GTF2IRD1: variants seen among roughly 807,000 people sequenced by gnomAD.
GTF2IRD1 encodes the protein general transcription factor II-I repeat domain-containing protein 1.
GTF2IRD1 carries 26 observed loss-of-function variants against 113.2 expected under a neutral mutation model. That is an observed-to-expected ratio of 0.23 (90% CI 0.17 to 0.32). GTF2IRD1 has a LOEUF of 0.32. GTF2IRD1 is among the 10% of genes least tolerant of loss of function. The pLI is 1.00. For synonymous variants in GTF2IRD1, 484 were observed against 529.1 expected (o/e 0.91, Z 1.17); for missense variants, 864 against 1,280.8 (o/e 0.67, Z 4.97).
At chr7:74,519,951 G>A (rs1013055507) in intron 6 of GTF2IRD1, among the ~76,000 whole-genome samples, 5 of 151,850 alleles carry the variant, frequency 3.3e-5, no homozygotes, top group Admixed American at 6.6e-5. Flanking sequence ...CTAAGAGGAC[G>A]CCTGCGAGGA....
At chr7:74,568,509 G>A (rs1304915293) in intron 22 of GTF2IRD1, among the ~76,000 whole-genome samples, 2 of 151,992 alleles carry the variant, frequency 1.3e-5, no homozygotes, top group Non-Finnish European at 2.9e-5. Flanking sequence ...TTAGCTGGGC[G>A]TGATGGCGGG....
At chr7:74,492,259 C>T (rs1795400910) in intron 1 of GTF2IRD1, among the ~76,000 whole-genome samples, 1 of 151,384 alleles carries the variant, frequency 6.6e-6, no homozygotes, top group South Asian at 2.1e-4. Context: ...CAAGCTCTGC[C>T]TCCCGGGTTC....
At chr7:74,575,895 G>C (rs1554364409) in intron 22 of GTF2IRD1, among the ~76,000 whole-genome samples, 1 of 152,144 alleles carries the variant, frequency 6.6e-6, no homozygotes, top group Non-Finnish European at 1.5e-5. Context: ...CCTTAAAACA[G>C]GCCGGGTCCA....
intron 22 of GTF2IRD1, among the ~76,000 whole-genome samples, chr7:74,582,863 A>G (rs1447768232): frequency 6.6e-6 from 1 of 152,104 alleles, no homozygotes; most frequent in East Asian, 1.9e-4. Flanking sequence ...AGCCTGGGCA[A>G]CATAGCAAGA....
chr7:74,562,797 C>T (rs1554359536), intron 22 of GTF2IRD1, among the ~76,000 whole-genome samples: 1 of 151,916 alleles, frequency 6.6e-6, no homozygotes, highest in Non-Finnish European at 1.5e-5. Flanking sequence ...AGGCTGGTCT[C>T]GAACTCCTGG....
Position 74,519,524 on chromosome 7 carries a change from C to A in GTF2IRD1, c.721C>A (p.Pro241Thr), listed in dbSNP as rs782352507. ...GCATGGCCAGGCCCCCAAGGTGCCA[C>A]CCCAGGACCTGCCCCCAACCGCCAC... ...GLHGQAPKVP[P>T]QDLPPTATSS... The change falls in exon 6 of 27, where the codon CCC (proline) becomes ACC (threonine). Residue 241 changes from proline to threonine, a missense_variant. Physicochemically the swap from Pro to Thr is conservative, Grantham distance 38 (BLOSUM62 -1). Coordinates refer to ENST00000424337, the MANE Select transcript of GTF2IRD1 (RefSeq NM_005685.4). 3.1e-6 allele frequency: 5 copies of A among 1,611,796 alleles called. No homozygotes were observed. The South Asian group carries it at 4.4e-5, about 14-fold the overall frequency.
At chr7:74,490,295 C>A (rs1457991791) in intron 1 of GTF2IRD1, among the ~76,000 whole-genome samples, 1 of 152,132 alleles carries the variant, frequency 6.6e-6, no homozygotes, top group Non-Finnish European at 1.5e-5. Context: ...TGACCCCAGA[C>A]TGCCTTCTAC....
chr7:74,567,113 A>C (rs1318806715), intron 22 of GTF2IRD1, among the ~76,000 whole-genome samples: 1 of 152,094 alleles, frequency 6.6e-6, no homozygotes, highest in Non-Finnish European at 1.5e-5. Flanking sequence ...GCGGATCACA[A>C]GGTCAGGAGA....
chr7:74,601,063 CAAGCGCAAGAGA>C lies in GTF2IRD1; in HGVS notation c.2655_2666del (p.Lys886_Arg889del). On this transcript the variant is annotated inframe_deletion, in exon 26 of 27. Transcript: ENST00000424337. Reference sequence around the variant, plus strand: ...TTCCAGCCAAAGACAGCAGCATTCCCAAGCGCAAGAGAAAGCGGGTCTCGGAAGGAAATTCCG... The same window carrying C: ...TTCCAGCCAAAGACAGCAGCATTCCCAAGCGGGTCTCGGAAGGAAATTCCG... The C allele has an allele frequency of 1.2e-6, 2 of 1,614,196 alleles. No homozygotes were observed. The highest frequency in any genetic ancestry group is 1.7e-6 in the Non-Finnish European group (2 of 1,180,036).
At chr7:74,508,322 C>A in intron 2 of GTF2IRD1, 119 bp downstream of exon 2, 1 of 1,059,316 alleles carries the variant, frequency 9.4e-7, no homozygotes, top group Non-Finnish European at 1.4e-6. Flanking sequence ...CTCAGTTTAT[C>A]TGACTGCAGC....
intron 8 of GTF2IRD1, 24 bp downstream of exon 8, chr7:74,524,178 G>T (rs370117404): frequency 6.5e-6 from 10 of 1,530,564 alleles, no homozygotes; most frequent in Admixed American, 1.7e-5. Flanking sequence ...GCGGCCCGCC[G>T]TGTGGCCCCA....
intron 22 of GTF2IRD1, among the ~76,000 whole-genome samples, chr7:74,583,851 C>T (rs374795561): frequency 2.6e-5 from 4 of 152,166 alleles, no homozygotes; most frequent in Non-Finnish European, 4.4e-5. Context: ...GTGTCTTACT[C>T]ACCGCTCACA....
At chr7:74,545,625 C>T (rs1364396374) in intron 15 of GTF2IRD1, 119 bp from the exon 16 acceptor site, 4 of 754,840 alleles carry the variant, frequency 5.3e-6, no homozygotes, top group South Asian at 1.4e-5. Context: ...CCGCCCCAGC[C>T]CCAGCCTTCC....
chr7:74,601,803 C>G (rs587632018), intron 26 of GTF2IRD1: 1 of 172,010 alleles, frequency 5.8e-6, no homozygotes, highest in African/African-American at 2.4e-5. Flanking sequence ...ATTAGCCAGG[C>G]ATGGTGGCAC....
At chr7:74,535,002 G>A (rs181474997) in intron 9 of GTF2IRD1, 111 bp from the exon 10 acceptor site, 1 of 857,086 alleles carries the variant, frequency 1.2e-6, no homozygotes, top group Non-Finnish European at 2.0e-6. Flanking sequence ...CTGTAGCTGT[G>A]CATGTGTCAC....
chr7:74,471,983 C>G (rs1220983105), intron 1 of GTF2IRD1, among the ~76,000 whole-genome samples: 1 of 152,136 alleles, frequency 6.6e-6, no homozygotes, highest in African/African-American at 2.4e-5. Flanking sequence ...CAGAATGAGA[C>G]TCTGTCTCAA....
chr7:74,536,021 C>T, intron 10 of GTF2IRD1, 146 bp from the exon 11 acceptor site: 1 of 587,302 alleles, frequency 1.7e-6, no homozygotes. Flanking sequence ...TGGCTGTTGG[C>T]TGGACGTGGC....
rs782055471 is a variant in GTF2IRD1, at chr7:74,535,100, C to A, written c.1275-13C>A. 1 of 1,611,786 alleles carries A rather than the reference C, an allele frequency of 6.2e-7. No individual in the cohort carries two copies. Among genetic ancestry groups the A allele is most frequent in the African/African-American group, 1.3e-5 (1 of 75,004 alleles). ...CTGCACTGTTCTCATGCCTGTCTCT[C>A]TTCTCTCCCCAGGATGTTTGATGAG... On this transcript the variant is annotated splice_polypyrimidine_tract_variant and intron_variant, in intron 9 of 26. Transcript: ENST00000424337.
chr7:74,563,573 G>A (rs1174012864), intron 22 of GTF2IRD1, among the ~76,000 whole-genome samples: 9 of 144,750 alleles, frequency 6.2e-5, no homozygotes, highest in African/African-American at 1.5e-4. Flanking sequence ...GTGAAACTCC[G>A]TCTCAGAAAA....
Sources: allele counts gnomAD v4.1 joint callset (sites outside exome capture counted in the v4.1 genomes callset), GRCh38; gene constraint gnomAD v4.1.1; transcripts MANE v1.5; gene names NCBI Gene and HGNC (gene_info 2026-07-23, HGNC 2026-07-21).